ZNF536: variants seen among roughly 807,000 people sequenced by gnomAD.
ZNF536 encodes zinc finger protein 536.
ZNF536 carries 13 observed loss-of-function variants against 84.5 expected under a neutral mutation model. The observed-to-expected ratio is 0.15, with a 90% confidence interval of 0.10 to 0.24. The LOEUF (loss-of-function observed/expected upper bound fraction) is 0.24. Among genes scored for constraint, ZNF536 ranks in the 10% least tolerant of loss-of-function variants. The pLI is 1.00. For missense variants in ZNF536, 1,536 were observed against 1,747.5 expected, an observed-to-expected ratio of 0.88 and a Z score of 2.16; for synonymous variants, 811 against 742.5, an observed-to-expected ratio of 1.09 and a Z score of -1.50.
chr19:30,693,344 C>G (rs1255122129), intron 1 of ZNF536, among the ~76,000 whole-genome samples: 4 of 152,160 alleles, frequency 2.6e-5, no homozygotes, highest in Non-Finnish European at 5.9e-5. Flanking sequence ...TTCCCCCTCC[C>G]CCTGATGTAA....
intron 1 of ZNF536, among the ~76,000 whole-genome samples, chr19:30,592,742 G>T (rs2047318421): frequency 1.3e-5 from 2 of 149,452 alleles, no homozygotes; most frequent in African/African-American, 4.9e-5. Flanking sequence ...CCCCCCATTT[G>T]CCAGCAAGTT....
At chr19:30,483,275 C>G (rs1048668197) in intron 2 of ZNF536, among the ~76,000 whole-genome samples, 1 of 152,188 alleles carries the variant, frequency 6.6e-6, no homozygotes, top group African/African-American at 2.4e-5. Flanking sequence ...GGTGGCTCCC[C>G]TTGGCAGGTC....
intron 1 of ZNF536, among the ~76,000 whole-genome samples, chr19:30,254,490 A>G (rs1166378807): frequency 1.3e-5 from 2 of 151,208 alleles, no homozygotes; most frequent in African/African-American, 4.9e-5. Context: ...AGTGCATTAG[A>G]GATACAGTTG....
chr19:30,676,150 T>C (rs1409484818), intron 1 of ZNF536, among the ~76,000 whole-genome samples: 1 of 152,228 alleles, frequency 6.6e-6, no homozygotes, highest in Non-Finnish European at 1.5e-5. Context: ...CCACATGTGC[T>C]GGGCCAGAAA....
intron 1 of ZNF536, among the ~76,000 whole-genome samples, chr19:30,434,521 G>A (rs1249742545): frequency 6.6e-6 from 1 of 152,186 alleles, no homozygotes; most frequent in African/African-American, 2.4e-5. Context: ...CTGGCCACTG[G>A]CATGTCTTCA....
At chr19:30,399,879 G>A (rs2049977950) in intron 1 of ZNF536, among the ~76,000 whole-genome samples, 1 of 152,038 alleles carries the variant, frequency 6.6e-6, no homozygotes, top group African/African-American at 2.4e-5. Flanking sequence ...GTAGAGACGG[G>A]ATTTCACCAT....
chr19:30,539,110 A>G (rs1257409543), intron 3 of ZNF536, among the ~76,000 whole-genome samples: 1 of 150,444 alleles, frequency 6.6e-6, no homozygotes, highest in Middle Eastern at 3.2e-3. Context: ...AAAGAAAAGG[A>G]GATATGCACC....
intron 1 of ZNF536, among the ~76,000 whole-genome samples, chr19:30,657,495 GACAACGTCTTGATCTTTCCT>G (rs1306938510): frequency 3.3e-5 from 5 of 152,160 alleles, no homozygotes; most frequent in Admixed American, 6.5e-5. Flanking sequence ...CCACTGCTCC[GACAACGTCTTGATCTTTCCT>G]ACTGACCCTC....
intron 1 of ZNF536, among the ~76,000 whole-genome samples, chr19:30,585,724 G>T (rs1323070938): frequency 6.6e-6 from 1 of 152,056 alleles, no homozygotes; most frequent in Non-Finnish European, 1.5e-5. Flanking sequence ...CTCCAACTCT[G>T]CATCTTCCCA....
intron 1 of ZNF536, among the ~76,000 whole-genome samples, chr19:30,250,518 G>C (rs557555592): frequency 1.4e-4 from 22 of 152,146 alleles, no homozygotes; most frequent in Non-Finnish European, 3.1e-4. Flanking sequence ...GCTGAAGTCG[G>C]GTCTGCAAGG....
chr19:30,304,565 G>A (rs1230523634), intron 2 of ZNF536, among the ~76,000 whole-genome samples: 2 of 152,196 alleles, frequency 1.3e-5, no homozygotes, highest in African/African-American at 4.8e-5. Flanking sequence ...GCCAACCACT[G>A]CCTGTCCCCA....
rs962263635 is a variant in ZNF536 at position 30,261,086 on chromosome 19, C to T, written c.-189-22986C>T. Among the ~76,000 whole-genome samples, 5 of 152,042 alleles carry T rather than the reference C, an allele frequency of 3.3e-5. No homozygotes were observed. In the South Asian group the frequency reaches 8.3e-4, roughly 25 times the overall value. On this transcript the variant is annotated intron_variant, in intron 1 of 5. Transcript: ENST00000585628. ...GGCCGAGGCGGGCGGATCACGAGGTCAGGAGATCGAGACCATCCTGGCTAA... is the reference window on the plus strand; with the variant it reads ...GGCCGAGGCGGGCGGATCACGAGGTTAGGAGATCGAGACCATCCTGGCTAA...
In ZNF536 at chr19:30,289,868, T is replaced by C. The variant is rs149756514; in HGVS notation, c.-120+5727T>C. The stretch of plus-strand genomic sequence containing the variant: ...TTTTACATTTAAAAATTTAAAATAA[T>C]TGCGATAAAATACACATAATATAAA... On this transcript the variant is annotated intron_variant, in intron 2 of 5. Transcript: ENST00000585628. Among the ~76,000 whole-genome samples, 507 of 152,314 alleles carry C rather than the reference T, an allele frequency of 3.3e-3. 2 individuals carry two copies. The highest frequency in any genetic ancestry group is 0.012 in the African/African-American group (484 of 41,554).
At position 30,524,158 on chromosome 19, in the gene ZNF536, T is replaced by G. The variant is rs139397313; in HGVS notation, c.2171-10689T>G. 3.9e-5 allele frequency among the ~76,000 whole-genome samples: 6 copies of G among 152,242 alleles called. No homozygotes were observed. In the East Asian group the frequency reaches 1.2e-3, roughly 29 times the overall value. On this transcript the variant is annotated intron_variant, in intron 2 of 4. Coordinates refer to ENST00000355537, the MANE Select transcript of ZNF536 (RefSeq NM_014717.3). ...TTTAAAATGGTGTGTGTGTCTCTCA[T>G]GCAACCTCAAGTCAGCCCCAAACTG...
chr19:30,408,943 AT>A (rs1424731558), intron 1 of ZNF536, among the ~76,000 whole-genome samples: 4 of 150,770 alleles, frequency 2.7e-5, no homozygotes, highest in Non-Finnish European at 5.9e-5. Flanking sequence ...CCACTCATCC[AT>A]TCATCCATCT....
intron 1 of ZNF536, among the ~76,000 whole-genome samples, chr19:30,635,255 G>C (rs921779135): frequency 6.6e-6 from 1 of 152,224 alleles, no homozygotes; most frequent in Admixed American, 6.5e-5. Context: ...GGCGTGGATT[G>C]GAGATGGTGC....
At chr19:30,315,748 G>T (rs184824299) in intron 2 of ZNF536, among the ~76,000 whole-genome samples, 9 of 152,262 alleles carry the variant, frequency 5.9e-5, no homozygotes, top group African/African-American at 2.2e-4. Context: ...AATGCATTTT[G>T]GTTTGGTAAA....
At position 30,267,993 on chromosome 19, in the gene ZNF536, A is replaced by AT. The variant is rs570795291; in HGVS notation, c.-189-16078dup. On this transcript the variant is annotated intron_variant, in intron 1 of 5. Transcript: ENST00000585628. ...AGGAGGCACACCTATATAATTTCTC[A>AT]TATGGAGAAAATGGATAGTGATTTT... Among the ~76,000 whole-genome samples, 332 of 150,646 alleles carry AT rather than the reference A, an allele frequency of 2.2e-3. 2 individuals carry two copies. The highest frequency in any genetic ancestry group is 7.9e-3 in the African/African-American group (325 of 41,084).
rs1395843086 is a variant in ZNF536 at position 30,353,410 on chromosome 19, G to A, written c.-3+926G>A. ...TTACCCCCTTTATTTGAGTTAGAAA[G>A]TGTTGATTTCACACTGTGGTGAGTG... On this transcript the variant is annotated intron_variant, in intron 3 of 5. Transcript: ENST00000585628. 3.9e-5 allele frequency among the ~76,000 whole-genome samples: 6 copies of A among 152,032 alleles called. No homozygotes were observed. In the East Asian group the frequency reaches 1.2e-3, roughly 29 times the overall value.
Sources: gnomAD v4.1 joint callset for allele counts (sites outside exome capture counted in the v4.1 genomes callset) on GRCh38, gnomAD v4.1.1 for gene constraint, MANE v1.5 for transcripts, NCBI Gene and HGNC (gene_info 2026-07-23, HGNC 2026-07-21) for gene names.